The following ZGRF1 variants were observed in gnomAD, a reference collection of about 807,000 sequenced individuals.
ZGRF1 encodes zinc finger GRF-type containing 1.
ZGRF1 carries 196 observed loss-of-function variants against 203.5 expected under a neutral mutation model. That is an observed-to-expected ratio of 0.96 (90% confidence interval 0.86 to 1.08). ZGRF1 has a LOEUF of 1.08. Among genes scored for constraint, ZGRF1 ranks in the 50% least tolerant of loss-of-function variants. The pLI is 0.00. For synonymous variants in ZGRF1, 809 were observed against 841.3 expected (o/e 0.96, Z 0.66); for missense variants, 2,326 against 2,416.3 (o/e 0.96, Z 0.78).
chr4:112,580,215 G>C lies in ZGRF1; in HGVS notation c.4438+1448C>G, dbSNP rs1388597007. ...TTAACAAATGTTGCTGGGAAAACTG[G>C]CTAGCCATATGTAGAAAGCTGAAAC... On this transcript the variant is annotated intron_variant, in intron 16 of 27. Coordinates refer to ENST00000505019, the MANE Select transcript of ZGRF1 (RefSeq NM_018392.5). 2.4e-5 allele frequency among the ~76,000 whole-genome samples: 3 copies of C among 124,550 alleles called. 1 individual carries two copies. The highest frequency in any genetic ancestry group is 5.4e-5 in the Non-Finnish European group (3 of 55,464). 81.7% of individuals were successfully genotyped at this position (124,550 alleles called of 152,430 possible). A position where few individuals can be genotyped will look rare whatever the true frequency, so the allele number is the denominator to read the frequency against.
At chr4:112,623,294 T>C (rs1358672655) in intron 4 of ZGRF1, among the ~76,000 whole-genome samples, 1 of 152,260 alleles carries the variant, frequency 6.6e-6, no homozygotes, top group African/African-American at 2.4e-5. Flanking sequence ...TCTTTGCTAT[T>C]GTGAATAGTG....
chr4:112,587,757 G>A lies in ZGRF1; in HGVS notation c.3300C>T (p.Leu1100=), dbSNP rs1380883666. ...NTYESSGSPM[L]NLCEKSAVLS... ...GAACTGCTGACTTTTCACACAAATT[G>A]AGCATGGGGGAGCCAGAAGACTCGT... The change falls in exon 12 of 28, where the codon CTC becomes CTT. Residue 1100 remains leucine, a synonymous_variant. Transcript: ENST00000505019. 1 of 1,556,276 alleles carries A rather than the reference G, an allele frequency of 6.4e-7. No homozygotes were observed. Among genetic ancestry groups the A allele is most frequent in the East Asian group, 2.4e-5 (1 of 41,108 alleles).
intron 21 of ZGRF1, 41 bp downstream of exon 21, chr4:112,554,664 C>T: frequency 1.0e-6 from 1 of 965,912 alleles, no homozygotes; most frequent in Non-Finnish European, 1.6e-6. Context: ...ACCATACTTC[C>T]CTCTGACCAT....
chr4:112,559,265 C>G (rs891982689), intron 19 of ZGRF1, among the ~76,000 whole-genome samples: 1 of 152,170 alleles, frequency 6.6e-6, no homozygotes, highest in Non-Finnish European at 1.5e-5. Flanking sequence ...GTGGCGCAAT[C>G]GTGACTCACT....
intron 7 of ZGRF1, among the ~76,000 whole-genome samples, chr4:112,610,250 A>G (rs1369987297): frequency 6.6e-6 from 1 of 152,204 alleles, no homozygotes; most frequent in Non-Finnish European, 1.5e-5. Context: ...AAATATTCTA[A>G]TTGTAAAACA....
chr4:112,628,014 T>C (rs1033934097), intron 3 of ZGRF1, among the ~76,000 whole-genome samples: 2 of 152,180 alleles, frequency 1.3e-5, no homozygotes, highest in African/African-American at 4.8e-5. Flanking sequence ...AGCAATTTTG[T>C]TTACAAAACA....
chr4:112,605,108 C>T (rs952964063), intron 9 of ZGRF1, among the ~76,000 whole-genome samples: 3 of 151,776 alleles, frequency 2.0e-5, no homozygotes, highest in Admixed American at 2.0e-4. Context: ...TCTGCTTCTG[C>T]TTTGTCTGAT....
intron 16 of ZGRF1, among the ~76,000 whole-genome samples, chr4:112,567,942 A>G (rs986625095): frequency 3.3e-5 from 5 of 152,048 alleles, no homozygotes; most frequent in African/African-American, 9.7e-5. Context: ...AACAAAAACA[A>G]ACAAACAAAA....
intron 11 of ZGRF1, 37 bp downstream of exon 11, chr4:112,589,687 G>A: frequency 6.3e-7 from 1 of 1,579,432 alleles, no homozygotes; most frequent in African/African-American, 1.3e-5. Flanking sequence ...CATCTTAAAT[G>A]AATAGACAGA....
chr4:112,550,942 A>C (rs1739835730), intron 22 of ZGRF1, among the ~76,000 whole-genome samples: 1 of 152,186 alleles, frequency 6.6e-6, no homozygotes, highest in Non-Finnish European at 1.5e-5. Flanking sequence ...TGACTCAGCC[A>C]CAGTGACTTC....
intron 22 of ZGRF1, among the ~76,000 whole-genome samples, chr4:112,552,984 A>G (rs1274508176): frequency 6.6e-6 from 1 of 152,228 alleles, no homozygotes; most frequent in Non-Finnish European, 1.5e-5. Flanking sequence ...GACTTTACCC[A>G]TAGCCTCAAG....
chr4:112,563,334 T>C, intron 16 of ZGRF1, 60 bp from the exon 17 acceptor site: 2 of 1,256,848 alleles, frequency 1.6e-6, no homozygotes, highest in Non-Finnish European at 2.2e-6. Context: ...TTTATATTTT[T>C]AGAAATTATA....
rs1560893244 is a variant in ZGRF1 at position 112,631,736 on chromosome 4, T to TATTA, written c.102+193_102+194insTAAT. On this transcript the variant is annotated intron_variant, in intron 3 of 27. Transcript: ENST00000505019. Reference sequence around the variant, plus strand: ...GCTACTGGATAACAGATCTTATTCGTTCTATCTATTAATGAACTATTTTTA... The same window carrying TATTA: ...GCTACTGGATAACAGATCTTATTCGTATTATCTATCTATTAATGAACTATTTTTA... Among the ~76,000 whole-genome samples, 3 of 152,322 alleles carry TATTA rather than the reference T, an allele frequency of 2.0e-5. No homozygotes were observed. In the East Asian group the frequency reaches 5.8e-4, roughly 29 times the overall value.
At chr4:112,633,054 T>G in intron 2 of ZGRF1, 102 bp downstream of exon 2, 1 of 1,053,496 alleles carries the variant, frequency 9.5e-7, no homozygotes, top group South Asian at 1.4e-5. Flanking sequence ...TGTTTTGTTT[T>G]TGCTAAATCT....
intron 10 of ZGRF1, among the ~76,000 whole-genome samples, chr4:112,597,889 A>G (rs1251924691): frequency 6.7e-6 from 1 of 148,388 alleles, no homozygotes; most frequent in South Asian, 2.1e-4. Context: ...CTCAAAATGT[A>G]CCCACACACA....
chr4:112,545,997 T>C (rs1459162733), intron 24 of ZGRF1, among the ~76,000 whole-genome samples: 1 of 151,606 alleles, frequency 6.6e-6, no homozygotes, highest in Non-Finnish European at 1.5e-5. Flanking sequence ...CAGTTCAAAA[T>C]TTCTGTTTGG....
intron 14 of ZGRF1, 148 bp downstream of exon 14, chr4:112,585,393 G>A: frequency 2.1e-6 from 1 of 475,466 alleles, no homozygotes; most frequent in Non-Finnish European, 3.5e-6. Context: ...ATAAAACTTT[G>A]AGAATTTAAT....
rs1027260279 is a variant in ZGRF1 at position 112,617,730 on chromosome 4, T to C, written c.2312A>G (p.Lys771Arg). ...TTCTGTGTCTTTGGAAATAAGATGCTTTTTTCCCAGTGGGTAAAACAAAGA... is the reference window on the plus strand; with the variant it reads ...TTCTGTGTCTTTGGAAATAAGATGCCTTTTTCCCAGTGGGTAAAACAAAGA... ...SNSLFYPLGK[K>R]HLISKDTEAH... Residue 771 changes from lysine to arginine, a missense_variant, in exon 6 of 28, where the codon AAG becomes AGG. Coordinates refer to ENST00000505019, the MANE Select transcript of ZGRF1 (RefSeq NM_018392.5). 6.2e-7 allele frequency: 1 copy of C among 1,613,990 alleles called. No individual in the cohort carries two copies. Among genetic ancestry groups the C allele is most frequent in the Non-Finnish European group, 8.5e-7 (1 of 1,179,992 alleles).
At chr4:112,575,548 G>A (rs1220619092) in intron 16 of ZGRF1, among the ~76,000 whole-genome samples, 2 of 152,126 alleles carry the variant, frequency 1.3e-5, no homozygotes, top group Admixed American at 6.5e-5. Flanking sequence ...TGTGACAGAC[G>A]GCACCTGGAA....
Sources: allele counts gnomAD v4.1 joint callset (sites outside exome capture counted in the v4.1 genomes callset), GRCh38; gene constraint gnomAD v4.1.1; transcripts MANE v1.5; gene names NCBI Gene and HGNC (gene_info 2026-07-23, HGNC 2026-07-21).